DYNC2I1: variants seen among roughly 807,000 people sequenced by gnomAD.
DYNC2I1 encodes dynein 2 intermediate chain 1, also known as cytoplasmic dynein 2 intermediate chain 1.
In DYNC2I1, 89 loss-of-function variants were observed where a neutral mutation model predicts 133.4. The ratio of observed to expected loss-of-function variants is 0.67; its 90% confidence interval spans 0.56 to 0.80. DYNC2I1 has a LOEUF of 0.80. DYNC2I1 is among the 30% of genes least tolerant of loss of function. DYNC2I1 has a pLI of 0.00. For missense variants in DYNC2I1, 1,291 were observed against 1,314.5 expected, an observed-to-expected ratio of 0.98 and a Z score of 0.28; for synonymous variants, 504 against 484.3, an observed-to-expected ratio of 1.04 and a Z score of -0.54.
intron 16 of DYNC2I1, among the ~76,000 whole-genome samples, chr7:158,923,271 C>T (rs768301942): frequency 2.1e-4 from 32 of 152,248 alleles, no homozygotes; most frequent in South Asian, 1.9e-3. Context: ...GAGGTTCAGC[C>T]GATTGAGCTG....
At chr7:158,914,928 T>C (rs752878113) in intron 14 of DYNC2I1, among the ~76,000 whole-genome samples, 6 of 152,250 alleles carry the variant, frequency 3.9e-5, no homozygotes, top group Non-Finnish European at 7.3e-5. Flanking sequence ...TAATAACTTA[T>C]AATGCAGTCA....
intron 23 of DYNC2I1, among the ~76,000 whole-genome samples, chr7:158,936,440 C>T (rs1850762557): frequency 6.6e-6 from 1 of 152,160 alleles, no homozygotes; most frequent in Non-Finnish European, 1.5e-5. Context: ...TCCCTTCCCC[C>T]TTATTTGGCC....
intron 8 of DYNC2I1, among the ~76,000 whole-genome samples, chr7:158,896,647 A>T (rs919315067): frequency 1.3e-5 from 2 of 151,786 alleles, no homozygotes; most frequent in Non-Finnish European, 2.9e-5. Context: ...TAGTTTTTAA[A>T]TTTTTTGTAG....
At chr7:158,861,502 G>T (rs1296558274) in intron 1 of DYNC2I1, among the ~76,000 whole-genome samples, 3 of 152,144 alleles carry the variant, frequency 2.0e-5, no homozygotes, top group African/African-American at 4.8e-5. Context: ...CGAAAGTCTG[G>T]CATCCCCCTC....
the DYNC2I1 span, among the ~76,000 whole-genome samples, chr7:158,843,114 A>C: frequency 6.6e-6 from 1 of 152,174 alleles, no homozygotes; most frequent in East Asian, 1.9e-4. Context: ...TTTGTTTTTG[A>C]GATGGAGTCT....
the DYNC2I1 span, among the ~76,000 whole-genome samples, chr7:158,846,175 C>T: frequency 1.3e-5 from 2 of 152,172 alleles, no homozygotes; most frequent in African/African-American, 4.8e-5. Context: ...AGGAGAATCG[C>T]TTGAACCTGG....
chr7:158,859,525 CAG>C (rs1278324337), intron 1 of DYNC2I1, among the ~76,000 whole-genome samples: 2 of 151,982 alleles, frequency 1.3e-5, no homozygotes, highest in Non-Finnish European at 2.9e-5. Flanking sequence ...TTTTTTGAGA[CAG>C]AGTCTCGCTC....
Position 158,914,242 on chromosome 7 carries a change from A to G in DYNC2I1, c.1712A>G (p.Gln571Arg), listed in dbSNP as rs1199027853. 6.2e-7 allele frequency: 1 copy of G among 1,610,984 alleles called. No homozygotes were observed. The highest frequency in any genetic ancestry group is 1.7e-5 in the Admixed American group (1 of 59,574). ...AAACTGTTTTTTTTAGGCAGTGAAC[A>G]AAGAGATACCTCTGATGCTGTAGTT... is the stretch of plus-strand genomic sequence containing the variant. Reference protein sequence around the residue: ...ESTVVSGGSEQRDTSDAVVMP... With the variant: ...ESTVVSGGSERRDTSDAVVMP... The change falls in exon 14 of 25, where the codon CAA becomes CGA. Residue 571 changes from glutamine to arginine, a missense_variant. Coordinates refer to ENST00000407559, the MANE Select transcript of DYNC2I1 (RefSeq NM_018051.5).
intron 5 of DYNC2I1, among the ~76,000 whole-genome samples, chr7:158,883,821 A>G (rs12671009): frequency 0.44 from 63,289 of 143,572 alleles, 14,439 homozygotes; most frequent in East Asian, 0.71. Flanking sequence ...CCGCCACCAC[A>G]CCCGGCTAAT....
At position 158,945,552 on chromosome 7, in the gene DYNC2I1, ACCCTCTG is replaced by A. The variant is rs1247862967; in HGVS notation, c.3003-27_3003-21del. 1.8e-5 allele frequency: 28 copies of A among 1,578,898 alleles called. No individual in the cohort carries two copies. Among genetic ancestry groups the A allele is most frequent in the Non-Finnish European group, 2.4e-5 (28 of 1,163,068 alleles). On this transcript the variant is annotated intron_variant, in intron 24 of 24. Coordinates refer to ENST00000407559, the MANE Select transcript of DYNC2I1 (RefSeq NM_018051.5). This position sits in a 1 kb window ranked among gnomAD's most constrained non-coding sequence, Gnocchi z 4.1. ...ACCGAATGTCCCTTTGTGTGCACTGACCCTCTGCTTCTGCCCCTCTCCCTGCAGGCTG... is the reference window on the plus strand; with the variant it reads ...ACCGAATGTCCCTTTGTGTGCACTGACTTCTGCCCCTCTCCCTGCAGGCTG...
chr7:158,958,513 T>C (rs1852257398), downstream of DYNC2I1, among the ~76,000 whole-genome samples: 1 of 152,222 alleles, frequency 6.6e-6, no homozygotes, highest in South Asian at 2.1e-4. Flanking sequence ...TCTTGCCGAC[T>C]TGTTCGGTAT....
intron 8 of DYNC2I1, among the ~76,000 whole-genome samples, chr7:158,897,855 T>A (rs1475187516): frequency 6.6e-6 from 1 of 152,234 alleles, no homozygotes; most frequent in Non-Finnish European, 1.5e-5. Context: ...TTTAGATCTT[T>A]CTTCTTTTCT....
downstream of DYNC2I1, among the ~76,000 whole-genome samples, chr7:158,958,534 C>T (rs2129490661): frequency 6.6e-6 from 1 of 152,360 alleles, no homozygotes; most frequent in South Asian, 2.1e-4. Context: ...CTTGGCTTCA[C>T]ACACTAGAAA....
At chr7:158,910,065 C>T (rs1053272438) in intron 11 of DYNC2I1, among the ~76,000 whole-genome samples, 2 of 152,026 alleles carry the variant, frequency 1.3e-5, no homozygotes, top group African/African-American at 2.4e-5. Flanking sequence ...GGCTGTGTGG[C>T]GATAACAGTA....
chr7:158,926,059 G>A lies in DYNC2I1; in HGVS notation c.2258-128G>A, dbSNP rs914951048. On this transcript the variant is annotated intron_variant, in intron 17 of 24. Transcript: ENST00000407559. ...GTCCATGTTGGTTTTGGGGTGTTTT[G>A]GGAAGATGTGTGGAGAGAGTTGGAT... The A allele has an allele frequency of 4.2e-6, 3 of 712,630 alleles. No homozygotes were observed. The African/African-American group carries it at 5.3e-5, about 13-fold the overall frequency. 44.1% of individuals were successfully genotyped at this position (712,630 alleles called of 1,614,324 possible).
chr7:158,931,816 C>T (rs892048330), intron 21 of DYNC2I1, among the ~76,000 whole-genome samples: 6 of 152,226 alleles, frequency 3.9e-5, no homozygotes, highest in Non-Finnish European at 7.3e-5. Context: ...GAGCATCCTC[C>T]GTCAAGGTGC....
At chr7:158,873,708 C>G (rs1843082077) in intron 3 of DYNC2I1, among the ~76,000 whole-genome samples, 1 of 152,162 alleles carries the variant, frequency 6.6e-6, no homozygotes, top group African/African-American at 2.4e-5. Flanking sequence ...CCCACCACAG[C>G]CTTGAACTGA....
Position 158,945,491 on chromosome 7 carries a change from C to G in DYNC2I1, c.3003-90C>G. 1 of 1,354,526 alleles carries G rather than the reference C, an allele frequency of 7.4e-7. No homozygotes were observed. Among genetic ancestry groups the G allele is most frequent in the Admixed American group, 2.6e-5 (1 of 38,380 alleles). The allele number at this position is 1,354,526 out of a possible 1,614,324, so 83.9% of individuals were successfully genotyped here. On this transcript the variant is annotated intron_variant, in intron 24 of 24. Coordinates refer to ENST00000407559, the MANE Select transcript of DYNC2I1 (RefSeq NM_018051.5). This position sits in a 1 kb window ranked among gnomAD's most constrained non-coding sequence, Gnocchi z 4.1. ...AGAATTTCTCATCCGTTTCACTCTT[C>G]CCATGGAAGGTAGACATTTTGAAGA...
intron 20 of DYNC2I1, 49 bp downstream of exon 20, chr7:158,927,092 G>C (rs549337384): frequency 2.2e-6 from 3 of 1,367,968 alleles, no homozygotes; most frequent in Non-Finnish European, 2.0e-6. Context: ...AAAATGAATC[G>C]AGATTAAAAG....
Sources: gnomAD v4.1 joint callset for allele counts (sites outside exome capture counted in the v4.1 genomes callset) on GRCh38, gnomAD v4.1.1 for gene constraint, Gnocchi (gnomAD v3.1) non-coding constraint, MANE v1.5 for transcripts, NCBI Gene and HGNC (gene_info 2026-07-23, HGNC 2026-07-21) for gene names.